ZFHX3: variants seen among roughly 807,000 people sequenced by gnomAD.
The protein encoded by ZFHX3 is zinc finger homeobox protein 3.
A neutral mutation model predicts 279.1 loss-of-function variants in ZFHX3; 42 were observed. The observed-to-expected ratio is 0.15, with a 90% CI of 0.12 to 0.19. The LOEUF (loss-of-function observed/expected upper bound fraction) is 0.19. Among genes scored for constraint, ZFHX3 ranks in the 10% least tolerant of loss-of-function variants. ZFHX3 has a pLI of 1.00. For synonymous variants in ZFHX3, 2,293 were observed against 1,957.8 expected (o/e 1.17, Z -4.52); for missense variants, 4,981 against 4,754.0 (o/e 1.05, Z -1.40).
intron 3 of ZFHX3, among the ~76,000 whole-genome samples, chr16:73,409,068 A>G (rs1468449533): frequency 3.3e-5 from 5 of 152,212 alleles, no homozygotes; most frequent in Non-Finnish European, 7.3e-5. Flanking sequence ...AAGGTCAGCC[A>G]CAGTAAAGTA....
At chr16:73,312,167 G>C (rs1313687994) in intron 4 of ZFHX3, among the ~76,000 whole-genome samples, 1 of 152,084 alleles carries the variant, frequency 6.6e-6, no homozygotes, top group East Asian at 1.9e-4. Flanking sequence ...AAGTAGTAAG[G>C]AGCTTGAAAT....
intron 8 of ZFHX3, chr16:73,092,903 C>G (rs1189319898): frequency 1.9e-6 from 1 of 519,736 alleles, no homozygotes; most frequent in African/African-American, 1.9e-5. Flanking sequence ...CCACGCGCTC[C>G]TGTTTTCCCA....
chr16:73,704,240 G>C (rs575542682), intron 1 of ZFHX3, among the ~76,000 whole-genome samples: 1 of 151,976 alleles, frequency 6.6e-6, no homozygotes, highest in East Asian at 1.9e-4. Context: ...AACATCCACC[G>C]TTATTAAGTG....
chr16:73,888,849 T>TA lies in ZFHX3; in HGVS notation c.-1608+2801dup, dbSNP rs1282469969. 2.9e-3 allele frequency among the ~76,000 whole-genome samples: 436 copies of TA among 150,470 alleles called. 4 individuals are homozygous for TA. Among genetic ancestry groups the TA allele is most frequent in the Non-Finnish European group, 4.9e-3 (328 of 67,508 alleles). ...GTTAAGGTGCAGACAGATTTCAGGC[T>TA]AAAAAAAAACCGGGAAGGATCCCTG... On this transcript the variant is annotated intron_variant, in intron 1 of 17. Transcript: ENST00000641206.
At chr16:72,973,291 T>C (rs1442526807) in intron 1 of ZFHX3, 3 of 152,202 alleles carry the variant, frequency 2.0e-5, no homozygotes, top group Non-Finnish European at 4.4e-5. Context: ...CCCAATATCA[T>C]GTTCATCCCC....
intron 4 of ZFHX3, among the ~76,000 whole-genome samples, chr16:73,266,990 C>T (rs1026468371): frequency 6.6e-6 from 1 of 152,122 alleles, no homozygotes. Flanking sequence ...GAGATGTGAA[C>T]CTAGATATAT....
intron 1 of ZFHX3, among the ~76,000 whole-genome samples, chr16:73,038,986 G>A (rs965502222): frequency 6.6e-6 from 1 of 151,388 alleles, no homozygotes; most frequent in Non-Finnish European, 1.5e-5. Flanking sequence ...TTTTTGTAGA[G>A]ACAAGGTCTT....
chr16:72,936,801 A>G (rs1372154501), intron 3 of ZFHX3, among the ~76,000 whole-genome samples: 1 of 152,110 alleles, frequency 6.6e-6, no homozygotes, highest in Non-Finnish European at 1.5e-5. Context: ...CAAGAGAGTG[A>G]TATGACCTGA....
At position 72,898,716 on chromosome 16, in the gene ZFHX3, C is replaced by T. The variant is rs574816179; in HGVS notation, c.3217-8754G>A. Among the ~76,000 whole-genome samples, 4 of 144,376 alleles carry T rather than the reference C, an allele frequency of 2.8e-5. No homozygotes were observed. The East Asian group carries it at 6.1e-4, about 22-fold the overall frequency. 94.7% of individuals were successfully genotyped at this position (144,376 alleles called of 152,430 possible). A position where few individuals can be genotyped will look rare whatever the true frequency, so the allele number is the denominator to read the frequency against. ...AAATTTATCAGGCATGCATTTTTACCATTATGGGAGCAAATTATTAACCCT... is the reference window on the plus strand; with the variant it reads ...AAATTTATCAGGCATGCATTTTTACTATTATGGGAGCAAATTATTAACCCT... On this transcript the variant is annotated intron_variant, in intron 3 of 9. Transcript: ENST00000268489.
At chr16:73,810,244 CTCAA>C (rs1283681167) in intron 1 of ZFHX3, among the ~76,000 whole-genome samples, 1 of 152,174 alleles carries the variant, frequency 6.6e-6, no homozygotes, top group African/African-American at 2.4e-5. Context: ...AGCTGTAGCT[CTCAA>C]TCAAATAGTC....
intron 3 of ZFHX3, among the ~76,000 whole-genome samples, chr16:73,426,411 T>G (rs760607689): frequency 6.6e-6 from 1 of 152,138 alleles, no homozygotes; most frequent in Non-Finnish European, 1.5e-5. Context: ...ATAAATGGCC[T>G]GGGCTGGAGG....
chr16:72,790,100 T>C (rs1415652498), intron 9 of ZFHX3: 4 of 152,250 alleles, frequency 2.6e-5, no homozygotes, highest in African/African-American at 7.2e-5. Context: ...CCCTGACCCA[T>C]AGCTATCTCC....
At chr16:73,888,925 C>G (rs2030438612) in intron 1 of ZFHX3, among the ~76,000 whole-genome samples, 1 of 147,762 alleles carries the variant, frequency 6.8e-6, no homozygotes, top group Non-Finnish European at 1.5e-5. Context: ...CTGTAAACCT[C>G]TGCTGTCTGG....
chr16:73,092,229 T>C (rs973848066), intron 8 of ZFHX3: 3 of 152,212 alleles, frequency 2.0e-5, no homozygotes, highest in African/African-American at 4.8e-5. Context: ...TGCGTGTTGA[T>C]GGTATGAAGA....
At chr16:73,720,795 A>C (rs1031250348) in intron 1 of ZFHX3, among the ~76,000 whole-genome samples, 1 of 152,222 alleles carries the variant, frequency 6.6e-6, no homozygotes, top group Non-Finnish European at 1.5e-5. Flanking sequence ...ATAATTATTA[A>C]TACTGCAAAA....
chr16:73,526,392 G>C (rs1023113879), intron 2 of ZFHX3, among the ~76,000 whole-genome samples: 1 of 152,240 alleles, frequency 6.6e-6, no homozygotes, highest in East Asian at 1.9e-4. Context: ...GCCAAGTCTT[G>C]AGCGTAAGCT....
At chr16:73,720,237 C>T (rs1441602054) in intron 1 of ZFHX3, among the ~76,000 whole-genome samples, 4 of 152,170 alleles carry the variant, frequency 2.6e-5, no homozygotes, top group African/African-American at 7.2e-5. Flanking sequence ...CGAAGGAACA[C>T]CCTTCCTGAG....
intron 4 of ZFHX3, among the ~76,000 whole-genome samples, chr16:72,848,282 C>T (rs562075972): frequency 1.4e-4 from 22 of 152,252 alleles, no homozygotes; most frequent in African/African-American, 5.1e-4. Flanking sequence ...TCTCGGAGCG[C>T]ATTGTACTGG....
chr16:72,929,654 C>G (rs962818465), intron 3 of ZFHX3, among the ~76,000 whole-genome samples: 1 of 152,182 alleles, frequency 6.6e-6, no homozygotes, highest in African/African-American at 2.4e-5. Context: ...TGGGGCCACG[C>G]GGGCTGCGAC....
Sources: allele counts gnomAD v4.1 joint callset (sites outside exome capture counted in the v4.1 genomes callset), GRCh38; gene constraint gnomAD v4.1.1; transcripts MANE v1.5; gene names NCBI Gene and HGNC (gene_info 2026-07-23, HGNC 2026-07-21).